The following FNIP2 variants were observed in gnomAD, a reference collection of about 807,000 sequenced individuals.
FNIP2 encodes folliculin interacting protein 2.
In FNIP2, 32 loss-of-function variants were observed where a neutral mutation model predicts 108.7. The observed-to-expected ratio is 0.29, with a 90% CI of 0.22 to 0.40. The LOEUF (loss-of-function observed/expected upper bound fraction) is 0.40. Among genes scored for constraint, FNIP2 ranks in the 10% least tolerant of loss-of-function variants. The pLI, the probability that FNIP2 is intolerant of heterozygous loss-of-function variation, is 1.00. For synonymous variants in FNIP2, 480 were observed against 496.7 expected, an observed-to-expected ratio of 0.97 and a Z score of 0.45; for missense variants, 1,202 against 1,381.6, an observed-to-expected ratio of 0.87 and a Z score of 2.06.
intron 14 of FNIP2, among the ~76,000 whole-genome samples, chr4:158,873,341 T>C (rs561303822): frequency 6.6e-6 from 1 of 152,278 alleles, no homozygotes; most frequent in African/African-American, 2.4e-5. Flanking sequence ...CTTATGTAAA[T>C]TAAATGTGGT....
intron 1 of FNIP2, among the ~76,000 whole-genome samples, chr4:158,770,183 C>T (rs1775649560): frequency 6.6e-6 from 1 of 151,818 alleles, no homozygotes; most frequent in Non-Finnish European, 1.5e-5. Flanking sequence ...GCAGTTTGAC[C>T]ACAGATTCCA....
intron 16 of FNIP2, among the ~76,000 whole-genome samples, 171 bp downstream of exon 16, chr4:158,896,036 C>T (rs761016860): frequency 1.3e-5 from 2 of 152,100 alleles, no homozygotes; most frequent in East Asian, 1.9e-4. Flanking sequence ...CAGCATGTTC[C>T]GTTATCTGAT....
At chr4:158,827,970 C>A (rs1230116113) in intron 2 of FNIP2, among the ~76,000 whole-genome samples, 1 of 150,084 alleles carries the variant, frequency 6.7e-6, no homozygotes, top group Non-Finnish European at 1.5e-5. Flanking sequence ...TTTTTCCAAG[C>A]AAAAGCTACA....
chr4:158,878,213 C>T (rs1781390750), intron 14 of FNIP2, among the ~76,000 whole-genome samples: 1 of 152,136 alleles, frequency 6.6e-6, no homozygotes, highest in Non-Finnish European at 1.5e-5. Flanking sequence ...GATACAGGTC[C>T]TAGGAATTGG....
At chr4:158,843,707 G>T (rs1372788048) in intron 7 of FNIP2, among the ~76,000 whole-genome samples, 1 of 152,196 alleles carries the variant, frequency 6.6e-6, no homozygotes, top group Non-Finnish European at 1.5e-5. Context: ...GTGCAAAGAT[G>T]TATCGTGGGG....
chr4:158,840,609 T>C (rs577577107), intron 7 of FNIP2, among the ~76,000 whole-genome samples: 2 of 152,296 alleles, frequency 1.3e-5, no homozygotes, highest in South Asian at 4.1e-4. Flanking sequence ...TTGGCCAGGC[T>C]GGTCTCAAAC....
chr4:158,817,158 A>G (rs1457906593), intron 1 of FNIP2, among the ~76,000 whole-genome samples: 1 of 152,156 alleles, frequency 6.6e-6, no homozygotes, highest in Non-Finnish European at 1.5e-5. Context: ...GGAAGGAACT[A>G]TTAATAACAG....
intron 14 of FNIP2, chr4:158,871,945 T>G (rs551816378): frequency 4.1e-6 from 4 of 985,316 alleles, no homozygotes; most frequent in Middle Eastern, 5.2e-4. Context: ...CCTATAACAT[T>G]AAGGCACCTT....
chr4:158,855,668 G>A (rs555425041), intron 8 of FNIP2, among the ~76,000 whole-genome samples: 8 of 152,178 alleles, frequency 5.3e-5, no homozygotes, highest in South Asian at 2.1e-4. Flanking sequence ...GGATGGTCTC[G>A]ATCTCTTGAC....
At position 158,868,211 on chromosome 4, in the gene FNIP2, C is replaced by A; in HGVS notation, c.1575C>A (p.Leu525=). The A allele has an allele frequency of 6.2e-7, 1 of 1,614,050 alleles. No homozygotes were observed. Among genetic ancestry groups the A allele is most frequent in the South Asian group, 1.1e-5 (1 of 91,076 alleles). Residue 525 remains leucine (L), a synonymous_variant, in exon 13 of 17, where the codon CTC becomes CTA. Coordinates refer to ENST00000264433, the MANE Select transcript of FNIP2 (RefSeq NM_020840.3). The surrounding 1 kb of genome is among the most constrained non-coding windows in gnomAD (Gnocchi z 4.6). ...TACTTTATGTCCTGACCTACTTTCT[C>A]CGTTGCTCTGAGCTACAAGAGAACC... ...QRILYVLTYF[L]RCSELQENQL...
At chr4:158,792,087 G>A (rs990792374) in intron 1 of FNIP2, among the ~76,000 whole-genome samples, 3 of 152,068 alleles carry the variant, frequency 2.0e-5, no homozygotes, top group Non-Finnish European at 4.4e-5. Flanking sequence ...CTGGGAGACA[G>A]AGCAAGACGC....
intron 1 of FNIP2, among the ~76,000 whole-genome samples, chr4:158,771,762 T>G (rs560371365): frequency 6.6e-6 from 1 of 152,328 alleles, no homozygotes; most frequent in East Asian, 1.9e-4. Context: ...ACTTTTTGTT[T>G]GTTTGTTTTA....
At chr4:158,857,475 T>C (rs1392715083) in intron 8 of FNIP2, among the ~76,000 whole-genome samples, 1 of 152,226 alleles carries the variant, frequency 6.6e-6, no homozygotes, top group East Asian at 1.9e-4. Context: ...AAGCAATTGA[T>C]GGTTTATTGT....
chr4:158,842,957 C>T (rs1013750387), intron 7 of FNIP2, among the ~76,000 whole-genome samples: 1 of 151,948 alleles, frequency 6.6e-6, no homozygotes, highest in African/African-American at 2.4e-5. Context: ...TGAAATTTTC[C>T]TGCTAGACAA....
intron 1 of FNIP2, among the ~76,000 whole-genome samples, chr4:158,824,555 T>G (rs892190383): frequency 6.6e-6 from 1 of 152,136 alleles, no homozygotes; most frequent in South Asian, 2.1e-4. Flanking sequence ...CTGCTGGAGC[T>G]CTAGCCTTCA....
intron 1 of FNIP2, among the ~76,000 whole-genome samples, chr4:158,795,140 A>G (rs2126461464): frequency 6.6e-6 from 1 of 152,354 alleles, no homozygotes; most frequent in Middle Eastern, 3.4e-3. Flanking sequence ...ATATTTTTAA[A>G]TGTGCAGTTC....
chr4:158,878,873 A>T (rs1458151560), intron 14 of FNIP2, among the ~76,000 whole-genome samples: 6 of 151,258 alleles, frequency 4.0e-5, no homozygotes, highest in Admixed American at 6.6e-5. Context: ...GTAAGAACTA[A>T]AAACAACTTC....
chr4:158,791,376 C>T (rs1453291141), intron 1 of FNIP2, among the ~76,000 whole-genome samples: 1 of 149,036 alleles, frequency 6.7e-6, no homozygotes, highest in African/African-American at 2.5e-5. Context: ...CTCCACCTCC[C>T]AGGTTCAAGT....
At chr4:158,798,370 G>A (rs1313418930) in intron 1 of FNIP2, among the ~76,000 whole-genome samples, 3 of 152,110 alleles carry the variant, frequency 2.0e-5, no homozygotes, top group African/African-American at 7.2e-5. Context: ...GGCCCTTCTA[G>A]ATTTTTTCTT....
Sources: allele counts gnomAD v4.1 joint callset (sites outside exome capture counted in the v4.1 genomes callset), GRCh38; gene constraint gnomAD v4.1.1; non-coding constraint Gnocchi (gnomAD v3.1); transcripts MANE v1.5; gene names NCBI Gene and HGNC (gene_info 2026-07-23, HGNC 2026-07-21).